Variants in CLASP1 observed in about 807,000 individuals in gnomAD.
CLASP1 encodes the protein cytoplasmic linker associated protein 1, also known as CLIP-associating protein 1.
CLASP1 carries 38 observed loss-of-function variants against 192.3 expected under a neutral mutation model. The ratio of observed to expected loss-of-function variants is 0.20; its 90% confidence interval spans 0.15 to 0.26. The LOEUF is 0.26. Ranked by LOEUF, CLASP1 falls within the 10% of genes least tolerant of loss-of-function variation. The pLI is 1.00. For missense variants in CLASP1, 1,433 were observed against 1,932.5 expected, an observed-to-expected ratio of 0.74 and a Z score of 4.85; for synonymous variants, 691 against 712.8, an observed-to-expected ratio of 0.97 and a Z score of 0.49.
intron 20 of CLASP1, 42 bp downstream of exon 20, chr2:121,430,031 A>T (rs2081122627): frequency 1.4e-6 from 2 of 1,419,188 alleles, no homozygotes; most frequent in Non-Finnish European, 1.9e-6. Flanking sequence ...TGAGCTGTTG[A>T]ATAAAACTGA....
chr2:121,647,540 A>G (rs780567002), intron 1 of CLASP1, among the ~76,000 whole-genome samples: 19 of 152,134 alleles, frequency 1.2e-4, no homozygotes, highest in African/African-American at 4.6e-4. Context: ...TCTGAACTAC[A>G]CTTAAAGAGA....
intron 2 of CLASP1, among the ~76,000 whole-genome samples, chr2:121,584,675 G>C (rs1318743686): frequency 6.6e-6 from 1 of 151,914 alleles, no homozygotes; most frequent in Non-Finnish European, 1.5e-5. Flanking sequence ...ACCCAGGTGG[G>C]AGTACACAAT....
Position 121,373,678 on chromosome 2 carries a change from T to C in CLASP1, c.3642+3821A>G, listed in dbSNP as rs191822072. Among the ~76,000 whole-genome samples the C allele has an allele frequency of 8.1e-3, 1,233 of 152,354 alleles. 16 individuals carry two copies. Among genetic ancestry groups the C allele is most frequent in the Non-Finnish European group, 6.8e-3 (462 of 68,028 alleles). On this transcript the variant is annotated intron_variant, in intron 34 of 39. Coordinates refer to ENST00000263710, the Ensembl canonical transcript of CLASP1. ...GAACTGGAGTAAAGGTCACTCTTGA[T>C]GTGCTTTAGCAAACAGACTGGCAGC...
At chr2:121,582,276 GGAGAGAGAGA>G (rs113201966) in intron 2 of CLASP1, among the ~76,000 whole-genome samples, 1 of 146,000 alleles carries the variant, frequency 6.8e-6, no homozygotes, top group Admixed American at 6.9e-5. Flanking sequence ...GACAGGAAAG[GGAGAGAGAGA>G]GAGAGAGAAA....
At chr2:121,348,869 G>A (rs146506592) in intron 37 of CLASP1, among the ~76,000 whole-genome samples, 151 bp from the exon 39 acceptor site, 80 of 152,304 alleles carry the variant, frequency 5.3e-4, no homozygotes, top group African/African-American at 1.9e-3. Flanking sequence ...TAAACACAGA[G>A]TGGTCTGCAG....
chr2:121,366,906 C>G (rs2067517293), intron 35 of CLASP1, among the ~76,000 whole-genome samples: 1 of 152,224 alleles, frequency 6.6e-6, no homozygotes, highest in Non-Finnish European at 1.5e-5. Context: ...CTGGTCTTAA[C>G]ACAGGAGCCA....
At chr2:121,377,609 T>C in exon 34 of CLASP1, 2 of 1,593,030 alleles carry the variant, frequency 1.3e-6, no homozygotes, top group South Asian at 2.3e-5. Flanking sequence ...GAACTATAGA[T>C]TTCTTCAGAG....
At chr2:121,608,606 G>T (rs2064769975) in intron 1 of CLASP1, among the ~76,000 whole-genome samples, 1 of 152,162 alleles carries the variant, frequency 6.6e-6, no homozygotes, top group Non-Finnish European at 1.5e-5. Context: ...ACCCATTCCA[G>T]TCGTCATCCG....
intron 30 of CLASP1, 24 bp downstream of exon 31, chr2:121,397,116 A>T: frequency 1.2e-6 from 2 of 1,611,558 alleles, no homozygotes; most frequent in Non-Finnish European, 1.7e-6. Context: ...ATCTGTAATT[A>T]CACGTCGGTT....
chr2:121,383,198 G>T (rs1388638598), intron 32 of CLASP1, among the ~76,000 whole-genome samples: 1 of 152,182 alleles, frequency 6.6e-6, no homozygotes, highest in African/African-American at 2.4e-5. Context: ...GGAGTCCATG[G>T]CATCAGTGCC....
At chr2:121,361,044 A>G (rs2066298531) in intron 37 of CLASP1, among the ~76,000 whole-genome samples, 1 of 152,248 alleles carries the variant, frequency 6.6e-6, no homozygotes. Context: ...CTTAGGACTC[A>G]ACTTTAGACA....
chr2:121,365,459 C>T (rs2067213552), intron 35 of CLASP1, among the ~76,000 whole-genome samples, 175 bp from the exon 37 acceptor site: 1 of 152,202 alleles, frequency 6.6e-6, no homozygotes, highest in Non-Finnish European at 1.5e-5. Flanking sequence ...AGCCTACACA[C>T]CCTCCACCAA....
At chr2:121,570,258 C>T (rs1488565151) in intron 2 of CLASP1, among the ~76,000 whole-genome samples, 1 of 152,180 alleles carries the variant, frequency 6.6e-6, no homozygotes, top group East Asian at 1.9e-4. Flanking sequence ...AGTGCCTCTC[C>T]TTTTTATTGC....
At chr2:121,368,247 C>T (rs908253995) in intron 34 of CLASP1, among the ~76,000 whole-genome samples, 2 of 152,176 alleles carry the variant, frequency 1.3e-5, no homozygotes, top group African/African-American at 4.8e-5. Context: ...CAACCGCCAT[C>T]ATTAAGTCTA....
intron 8 of CLASP1, among the ~76,000 whole-genome samples, chr2:121,498,218 T>TTTTTTTTTC (rs1418370693): frequency 1.0e-4 from 15 of 149,638 alleles, no homozygotes; most frequent in African/African-American, 2.7e-4. Flanking sequence ...TTTTTTTTTT[T>TTTTTTTTTC]TCTGAGACGG....
At chr2:121,573,106 C>T (rs1354397114) in intron 2 of CLASP1, among the ~76,000 whole-genome samples, 1 of 152,108 alleles carries the variant, frequency 6.6e-6, no homozygotes, top group East Asian at 1.9e-4. Flanking sequence ...ATTACAGGTG[C>T]CTGCCACCAC....
intron 8 of CLASP1, among the ~76,000 whole-genome samples, chr2:121,478,793 CCA>C (rs2092115030): frequency 4.6e-5 from 2 of 43,902 alleles, no homozygotes; most frequent in African/African-American, 1.1e-4. Flanking sequence ...CCCACACACA[CCA>C]CACACCACAC....
At chr2:121,407,533 C>A in exon 25 of CLASP1, 1 of 1,613,996 alleles carries the variant, frequency 6.2e-7, no homozygotes, top group Non-Finnish European at 8.5e-7. Flanking sequence ...TCCTTTCTGA[C>A]CAGTTTGAAC....
At chr2:121,409,917 T>G (rs2077454999) in intron 24 of CLASP1, among the ~76,000 whole-genome samples, 1 of 152,152 alleles carries the variant, frequency 6.6e-6, no homozygotes, top group African/African-American at 2.4e-5. Flanking sequence ...AGCAGCAAAC[T>G]GCTCACAGAC....
Sources: gnomAD v4.1 joint callset for allele counts (sites outside exome capture counted in the v4.1 genomes callset) on GRCh38, gnomAD v4.1.1 for gene constraint, MANE v1.5 for transcripts, NCBI Gene and HGNC (gene_info 2026-07-23, HGNC 2026-07-21) for gene names.